NSUN7: variants seen among roughly 807,000 people sequenced by gnomAD.
The protein encoded by NSUN7 is protein NSUN7.
NSUN7 carries 39 observed loss-of-function variants against 58.5 expected under a neutral mutation model. The observed-to-expected ratio is 0.67, with a 90% confidence interval of 0.52 to 0.87. The LOEUF (loss-of-function observed/expected upper bound fraction) is 0.87, where lower values mean the gene tolerates loss of function less well. NSUN7 is among the 40% of genes least tolerant of loss of function. The pLI, the probability that NSUN7 is intolerant of heterozygous loss-of-function variation, is 0.00. For synonymous variants in NSUN7, 278 were observed against 303.7 expected, an observed-to-expected ratio of 0.92 and a Z score of 0.88; for missense variants, 765 against 844.1, an observed-to-expected ratio of 0.91 and a Z score of 1.16.
intron 10 of NSUN7, among the ~76,000 whole-genome samples, chr4:40,806,558 C>T (rs927160741): frequency 3.9e-5 from 6 of 152,132 alleles, no homozygotes; most frequent in African/African-American, 1.2e-4. Context: ...CTATGTAACT[C>T]ATCTATTAAT....
intron 4 of NSUN7, among the ~76,000 whole-genome samples, chr4:40,773,458 G>A (rs1162894446): frequency 2.6e-4 from 39 of 152,054 alleles, no homozygotes; most frequent in Non-Finnish European, 8.8e-5. Flanking sequence ...TGAGGCGGGC[G>A]GATCACTTGA....
intron 10 of NSUN7, among the ~76,000 whole-genome samples, chr4:40,799,788 C>G (rs138454138): frequency 6.4e-4 from 97 of 152,220 alleles, no homozygotes; most frequent in Non-Finnish European, 1.1e-3. Context: ...GAGTTGAAAG[C>G]AATATTACAT....
intron 10 of NSUN7, among the ~76,000 whole-genome samples, chr4:40,802,655 C>T (rs1420963198): frequency 6.6e-6 from 1 of 151,846 alleles, no homozygotes; most frequent in Non-Finnish European, 1.5e-5. Flanking sequence ...TTTTGTATCA[C>T]ACCATAAACT....
chr4:40,792,547 C>G (rs376736606), intron 8 of NSUN7, among the ~76,000 whole-genome samples: 2 of 151,954 alleles, frequency 1.3e-5, no homozygotes, highest in Non-Finnish European at 2.9e-5. Flanking sequence ...GTCAGGAGCT[C>G]GAGACCATCC....
At chr4:40,801,711 A>G (rs1743587452) in intron 10 of NSUN7, among the ~76,000 whole-genome samples, 1 of 152,018 alleles carries the variant, frequency 6.6e-6, no homozygotes, top group Non-Finnish European at 1.5e-5. Flanking sequence ...CAGCCTGGGC[A>G]ATGTGGTGAA....
intron 2 of NSUN7, among the ~76,000 whole-genome samples, chr4:40,754,426 G>A (rs1179011070): frequency 2.6e-5 from 4 of 152,288 alleles, no homozygotes; most frequent in African/African-American, 9.6e-5. Context: ...GGGATTACAG[G>A]TGTGAGCCAC....
chr4:40,757,453 A>T (rs1213698039), intron 2 of NSUN7, among the ~76,000 whole-genome samples: 1 of 150,950 alleles, frequency 6.6e-6, no homozygotes. Flanking sequence ...GTTTATCAGG[A>T]TATAACCCCA....
At chr4:40,770,279 G>A (rs1323145432) in intron 4 of NSUN7, among the ~76,000 whole-genome samples, 1 of 150,686 alleles carries the variant, frequency 6.6e-6, no homozygotes, top group East Asian at 2.0e-4. Context: ...TCTGAGAAAT[G>A]TGTCGTTAGG....
At chr4:40,797,041 T>C (rs1408537293) in intron 9 of NSUN7, among the ~76,000 whole-genome samples, 1 of 152,162 alleles carries the variant, frequency 6.6e-6, no homozygotes, top group Non-Finnish European at 1.5e-5. Flanking sequence ...TTGCCAGCCC[T>C]GGTCTACCTA....
chr4:40,801,901 CAAAAAAAA>C (rs56868885), intron 10 of NSUN7, among the ~76,000 whole-genome samples: 9 of 107,408 alleles, frequency 8.4e-5, no homozygotes, highest in African/African-American at 2.6e-4. Context: ...GACTCTGTCT[CAAAAAAAA>C]AAAAAAAAAA....
At chr4:40,798,528 G>A (rs963757071) in intron 9 of NSUN7, among the ~76,000 whole-genome samples, 2 of 152,142 alleles carry the variant, frequency 1.3e-5, no homozygotes, top group African/African-American at 4.8e-5. Context: ...ATTTATTTGT[G>A]TTTATAACTA....
At chr4:40,763,651 AG>A (rs1480301471) in intron 4 of NSUN7, among the ~76,000 whole-genome samples, 1 of 152,202 alleles carries the variant, frequency 6.6e-6, no homozygotes, top group African/African-American at 2.4e-5. Flanking sequence ...AAGTAGGAGT[AG>A]GACAAGCAAA....
intron 4 of NSUN7, among the ~76,000 whole-genome samples, chr4:40,764,440 T>C (rs1741613584): frequency 6.6e-6 from 1 of 152,024 alleles, no homozygotes; most frequent in African/African-American, 2.4e-5. Flanking sequence ...TAGTATTCCA[T>C]GGTGTATATG....
chr4:40,754,831 T>C (rs973508099), intron 2 of NSUN7, among the ~76,000 whole-genome samples: 1 of 152,228 alleles, frequency 6.6e-6, no homozygotes, highest in Non-Finnish European at 1.5e-5. Flanking sequence ...GTCTTATGCT[T>C]TTCAGTTTTA....
At chr4:40,751,995 A>G (rs187260767) in intron 2 of NSUN7, among the ~76,000 whole-genome samples, 1 of 152,302 alleles carries the variant, frequency 6.6e-6, no homozygotes, top group East Asian at 1.9e-4. Flanking sequence ...ACCCTGTGGA[A>G]TTGACACTAG....
intron 4 of NSUN7, chr4:40,762,535 TG>T (rs1471283923): frequency 6.6e-6 from 1 of 152,360 alleles, no homozygotes; most frequent in African/African-American, 2.4e-5. Context: ...TGTTAGCCAC[TG>T]TTCTGAGAAG....
intron 4 of NSUN7, chr4:40,773,383 A>T (rs1003266808): frequency 6.6e-6 from 1 of 152,208 alleles, no homozygotes; most frequent in Admixed American, 6.5e-5. Context: ...CCTTCTCAAT[A>T]AATAAAGTTT....
At chr4:40,770,833 G>A (rs1328121969) in intron 4 of NSUN7, among the ~76,000 whole-genome samples, 2 of 152,114 alleles carry the variant, frequency 1.3e-5, no homozygotes, top group South Asian at 2.1e-4. Flanking sequence ...TGGGCGGATC[G>A]TGAGGTCAAG....
chr4:40,782,563 GA>G (rs1337335910), intron 7 of NSUN7, among the ~76,000 whole-genome samples: 6 of 145,982 alleles, frequency 4.1e-5, no homozygotes, highest in South Asian at 4.4e-4. Flanking sequence ...AAAAAAAAAA[GA>G]AAAAAAGAAA....
Sources: allele counts gnomAD v4.1 joint callset (sites outside exome capture counted in the v4.1 genomes callset), GRCh38; gene constraint gnomAD v4.1.1; transcripts MANE v1.5; gene names NCBI Gene and HGNC (gene_info 2026-07-23, HGNC 2026-07-21).